Variants in FRMD3 observed in about 807,000 individuals in gnomAD.
FRMD3 encodes FERM domain-containing protein 3.
Under a neutral mutation model 70.2 loss-of-function variants are expected in FRMD3, and 33 were observed. That is an observed-to-expected ratio of 0.47 (90% confidence interval 0.36 to 0.63). FRMD3 has a LOEUF of 0.63. Ranked by LOEUF, FRMD3 falls within the 20% of genes least tolerant of loss-of-function variation. FRMD3 has a pLI of 0.00. For missense variants in FRMD3, 632 were observed against 711.4 expected (o/e 0.89, Z 1.27); for synonymous variants, 279 against 255.9 (o/e 1.09, Z -0.86).
At chr9:83,491,239 G>A (rs1828817804) in intron 1 of FRMD3, among the ~76,000 whole-genome samples, 2 of 152,312 alleles carry the variant, frequency 1.3e-5, no homozygotes, top group South Asian at 4.1e-4. Flanking sequence ...GGAAAACTCA[G>A]TAATTCGTTT....
chr9:83,427,435 C>T (rs985315361), intron 1 of FRMD3, among the ~76,000 whole-genome samples: 1 of 152,150 alleles, frequency 6.6e-6, no homozygotes, highest in Non-Finnish European at 1.5e-5. Context: ...CAGTCTTGCT[C>T]GGTACCTGAC....
the FRMD3 span, among the ~76,000 whole-genome samples, chr9:83,557,348 C>T: frequency 6.6e-6 from 1 of 152,174 alleles, no homozygotes; most frequent in Admixed American, 6.5e-5. Flanking sequence ...TCTTTTATGA[C>T]ATTGGTAACA....
At chr9:83,351,632 T>C (rs922475174) in intron 3 of FRMD3, among the ~76,000 whole-genome samples, 2 of 152,114 alleles carry the variant, frequency 1.3e-5, no homozygotes, top group Non-Finnish European at 2.9e-5. Context: ...TTGTTTAAAG[T>C]ACCATCTTTA....
At chr9:83,288,279 A>G (rs767022461) in intron 13 of FRMD3, among the ~76,000 whole-genome samples, 3 of 152,196 alleles carry the variant, frequency 2.0e-5, no homozygotes, top group Admixed American at 6.5e-5. Flanking sequence ...GACAAGGGCC[A>G]TGGAGCAGAA....
chr9:83,500,075 G>C (rs1439683363), intron 1 of FRMD3, among the ~76,000 whole-genome samples: 1 of 152,006 alleles, frequency 6.6e-6, no homozygotes, highest in Non-Finnish European at 1.5e-5. Context: ...GGTTTCCAGG[G>C]GTCAGTGGAG....
intron 13 of FRMD3, among the ~76,000 whole-genome samples, chr9:83,283,530 CAAAAAAAAAAA>C (rs765093024): frequency 1.1e-4 from 14 of 132,250 alleles, no homozygotes; most frequent in African/African-American, 3.7e-4. Flanking sequence ...GAATCCATCT[CAAAAAAAAAAA>C]AAAAAAATAA....
At chr9:83,555,582 G>C in the FRMD3 span, among the ~76,000 whole-genome samples, 1 of 152,234 alleles carries the variant, frequency 6.6e-6, no homozygotes, top group Non-Finnish European at 1.5e-5. Context: ...GCCAGCTGGA[G>C]TTCCAAACCA....
At chr9:83,471,509 C>G (rs906794510) in intron 1 of FRMD3, among the ~76,000 whole-genome samples, 1 of 152,058 alleles carries the variant, frequency 6.6e-6, no homozygotes, top group Non-Finnish European at 1.5e-5. Flanking sequence ...GGTGGGACAC[C>G]GGCTTGGGAA....
At chr9:83,583,983 C>T in the FRMD3 span, among the ~76,000 whole-genome samples, 3 of 152,194 alleles carry the variant, frequency 2.0e-5, no homozygotes, top group African/African-American at 7.2e-5. Context: ...CAGCCTCCTT[C>T]GATAGTGATT....
At chr9:83,565,742 T>C in the FRMD3 span, among the ~76,000 whole-genome samples, 7 of 152,200 alleles carry the variant, frequency 4.6e-5, no homozygotes, top group African/African-American at 1.7e-4. Context: ...CAAATAAAAA[T>C]AATAATATGG....
intron 1 of FRMD3, among the ~76,000 whole-genome samples, chr9:83,506,971 A>C (rs1240510644): frequency 6.6e-6 from 1 of 152,204 alleles, no homozygotes; most frequent in Non-Finnish European, 1.5e-5. Flanking sequence ...ACACAGGATC[A>C]AGAGTGTCAA....
chr9:83,476,497 G>A (rs780178316), intron 1 of FRMD3, among the ~76,000 whole-genome samples: 7 of 152,116 alleles, frequency 4.6e-5, no homozygotes, highest in Non-Finnish European at 1.0e-4. Flanking sequence ...TGAAGAGTTT[G>A]TCCCAGAATA....
At chr9:83,327,288 T>G (rs1836058095) in intron 6 of FRMD3, among the ~76,000 whole-genome samples, 1 of 152,220 alleles carries the variant, frequency 6.6e-6, no homozygotes, top group Admixed American at 6.5e-5. Flanking sequence ...TTACTTAGAT[T>G]TAGCTTTGTT....
At chr9:83,365,722 G>C (rs1264918941) in intron 3 of FRMD3, among the ~76,000 whole-genome samples, 1 of 152,106 alleles carries the variant, frequency 6.6e-6, no homozygotes, top group African/African-American at 2.4e-5. Flanking sequence ...TCTTCTGTGT[G>C]GAACTCTGAA....
chr9:83,325,644 G>A (rs1202518130), intron 6 of FRMD3, among the ~76,000 whole-genome samples: 1 of 152,140 alleles, frequency 6.6e-6, no homozygotes, highest in East Asian at 1.9e-4. Context: ...CATTTAAATT[G>A]CAACTTTTTC....
chr9:83,369,003 T>C (rs527352710), intron 3 of FRMD3, among the ~76,000 whole-genome samples: 2 of 152,062 alleles, frequency 1.3e-5, no homozygotes, highest in East Asian at 3.9e-4. Context: ...TACAGGCACG[T>C]TCCACCACAC....
At chr9:83,545,496 T>G in the FRMD3 span, among the ~76,000 whole-genome samples, 8 of 151,598 alleles carry the variant, frequency 5.3e-5, no homozygotes, top group Non-Finnish European at 1.2e-4. Flanking sequence ...TAGCTAGGAC[T>G]ACAAGCGCCC....
intron 13 of FRMD3, among the ~76,000 whole-genome samples, chr9:83,264,456 A>G (rs549872518): frequency 6.6e-6 from 1 of 152,220 alleles, no homozygotes; most frequent in Non-Finnish European, 1.5e-5. Flanking sequence ...CAAACGATCA[A>G]CTTTGAATAG....
chr9:83,284,058 G>GT (rs1563993854), intron 13 of FRMD3, among the ~76,000 whole-genome samples: 62 of 79,346 alleles, frequency 7.8e-4, no homozygotes, highest in African/African-American at 2.7e-3. Context: ...AAGCTAGGAT[G>GT]TTATTTTTTT....
Sources: allele counts gnomAD v4.1 joint callset (sites outside exome capture counted in the v4.1 genomes callset), GRCh38; gene constraint gnomAD v4.1.1; transcripts MANE v1.5; gene names NCBI Gene and HGNC (gene_info 2026-07-23, HGNC 2026-07-21).